The following DSCAM variants were observed in gnomAD, a reference collection of about 807,000 sequenced individuals.
The protein encoded by DSCAM is DS cell adhesion molecule.
DSCAM carries 47 observed loss-of-function variants against 217.7 expected under a neutral mutation model. That is an observed-to-expected ratio of 0.22 (90% CI 0.17 to 0.28). The LOEUF (loss-of-function observed/expected upper bound fraction) is 0.28. DSCAM is among the 10% of genes least tolerant of loss of function. DSCAM has a pLI of 1.00. For synonymous variants in DSCAM, 1,056 were observed against 1,015.3 expected (o/e 1.04, Z -0.76); for missense variants, 2,080 against 2,618.3 (o/e 0.79, Z 4.49).
chr21:40,139,422 C>T (rs572490389), intron 18 of DSCAM, among the ~76,000 whole-genome samples: 2 of 151,770 alleles, frequency 1.3e-5, no homozygotes, highest in East Asian at 1.9e-4. Flanking sequence ...AGACAGGAAG[C>T]GGGGAGGGGA....
chr21:40,513,087 G>A (rs769007070), intron 3 of DSCAM: 7 of 152,286 alleles, frequency 4.6e-5, no homozygotes, highest in Admixed American at 6.5e-5. Context: ...TTTTAGTAGA[G>A]ACGGTGTTTC....
At chr21:40,767,680 C>T (rs182273993) in intron 1 of DSCAM, among the ~76,000 whole-genome samples, 97 of 152,290 alleles carry the variant, frequency 6.4e-4, no homozygotes, top group Middle Eastern at 3.4e-3. Context: ...CAATTGAATG[C>T]CAGATGCAAA....
At chr21:40,543,157 A>G (rs2076554970) in intron 3 of DSCAM, among the ~76,000 whole-genome samples, 1 of 152,254 alleles carries the variant, frequency 6.6e-6, no homozygotes, top group African/African-American at 2.4e-5. Flanking sequence ...TAGGCTGGAA[A>G]GGTCAGACAA....
intron 11 of DSCAM, among the ~76,000 whole-genome samples, chr21:40,272,617 C>A (rs1290861511): frequency 6.6e-6 from 1 of 152,064 alleles, no homozygotes; most frequent in Non-Finnish European, 1.5e-5. Flanking sequence ...TCACAGTGAG[C>A]CCCCAGAAGC....
At chr21:40,537,113 T>C (rs910801747) in intron 3 of DSCAM, among the ~76,000 whole-genome samples, 1 of 152,180 alleles carries the variant, frequency 6.6e-6, no homozygotes, top group African/African-American at 2.4e-5. Context: ...TCCAGAACAT[T>C]CTCATGGGCC....
rs199853932 is a variant in DSCAM at position 40,724,841 on chromosome 21, T to C, written c.44-16070A>G. ...TTATTTTCTTTTGCTAGAACTTCAC[T>C]ATGTTCAGAAGTGCTTCATTTTTCA... On this transcript the variant is annotated intron_variant, in intron 1 of 32. Transcript: ENST00000400454. Among the ~76,000 whole-genome samples the C allele has an allele frequency of 3.7e-4, 57 of 152,378 alleles. 1 individual carries two copies. In the East Asian group the frequency reaches 5.6e-3, roughly 15 times the overall value.
Position 40,259,630 on chromosome 21 carries a change from TAGAG to T in DSCAM, c.2356+16463_2356+16466del, listed in dbSNP as rs1471541786. ...TGAATACTGGTTACTGAATAGTTCT[TAGAG>T]AGAATGAAAGTTTTGAGTCAGCCAT... On this transcript the variant is annotated intron_variant, in intron 11 of 32. Coordinates refer to ENST00000400454, the MANE Select transcript of DSCAM (RefSeq NM_001389.5). 5.4e-5 allele frequency among the ~76,000 whole-genome samples: 8 copies of T among 148,814 alleles called. No homozygotes were observed. In the East Asian group the frequency reaches 1.4e-3, roughly 26 times the overall value.
At chr21:40,376,589 T>TATATCGATATCGATATATCTTATATAG (rs1555911109) in intron 3 of DSCAM, among the ~76,000 whole-genome samples, 1 of 14,076 alleles carries the variant, frequency 7.1e-5, no homozygotes, top group Admixed American at 7.8e-4. Context: ...CTATATATCT[T>TATATCGATATCGATATATCTTATATAG]ATATCGATAT....
intron 3 of DSCAM, among the ~76,000 whole-genome samples, chr21:40,432,297 T>C (rs374986264): frequency 6.6e-6 from 1 of 152,320 alleles, no homozygotes; most frequent in Admixed American, 6.5e-5. Flanking sequence ...GGCTGTTTTT[T>C]CCAGAGGCTT....
intron 3 of DSCAM, among the ~76,000 whole-genome samples, chr21:40,667,637 G>A (rs1368238976): frequency 6.6e-6 from 1 of 151,590 alleles, no homozygotes; most frequent in African/African-American, 2.4e-5. Flanking sequence ...CATGGGGGCA[G>A]TTACCCCCAT....
rs73214900 is a variant in DSCAM at position 40,412,883 on chromosome 21, G to A, written c.509-43638C>T. 4.4e-3 allele frequency among the ~76,000 whole-genome samples: 672 copies of A among 152,324 alleles called. 4 individuals carry two copies. The highest frequency in any genetic ancestry group is 0.031 in the Middle Eastern group (9 of 294). On this transcript the variant is annotated intron_variant, in intron 3 of 32. Transcript: ENST00000400454. ...GACCTGAAGGAAAAAGTGGTTTCAT[G>A]GGCCAAGCCCAAGGTCTCTGTGTGC...
At chr21:40,421,992 A>T (rs1255011032) in intron 3 of DSCAM, among the ~76,000 whole-genome samples, 1 of 152,220 alleles carries the variant, frequency 6.6e-6, no homozygotes, top group African/African-American at 2.4e-5. Flanking sequence ...GAGACAGAAA[A>T]GGCTCTTTTA....
chr21:40,769,937 G>C (rs1190844419), intron 1 of DSCAM, among the ~76,000 whole-genome samples: 2 of 152,088 alleles, frequency 1.3e-5, no homozygotes, highest in African/African-American at 4.8e-5. Flanking sequence ...CTCACTACCT[G>C]GCTATAAACT....
chr21:40,575,400 C>T (rs768390855), intron 3 of DSCAM, among the ~76,000 whole-genome samples: 36 of 151,744 alleles, frequency 2.4e-4, no homozygotes, highest in Non-Finnish European at 4.7e-4. Flanking sequence ...TTCACACGGA[C>T]GCGAATGAAA....
intron 2 of DSCAM, among the ~76,000 whole-genome samples, chr21:40,694,377 G>T (rs2090573716): frequency 6.6e-6 from 1 of 152,082 alleles, no homozygotes. Context: ...GGTTTCAAAA[G>T]GTACTAACAC....
At chr21:40,571,173 T>C (rs961478773) in intron 3 of DSCAM, among the ~76,000 whole-genome samples, 1 of 151,840 alleles carries the variant, frequency 6.6e-6, no homozygotes, top group Non-Finnish European at 1.5e-5. Flanking sequence ...AAAAGAATGA[T>C]GGATGAGTTC....
chr21:40,579,035 G>A (rs2076880955), intron 3 of DSCAM, among the ~76,000 whole-genome samples: 2 of 152,274 alleles, frequency 1.3e-5, no homozygotes, highest in East Asian at 1.9e-4. Flanking sequence ...ACAGAAAGAT[G>A]CACATTAGCA....
chr21:40,383,159 C>T (rs1434960990), intron 3 of DSCAM: 1 of 152,032 alleles, frequency 6.6e-6, no homozygotes, highest in Non-Finnish European at 1.5e-5. Context: ...CAAAACCCGT[C>T]TCTACTAAAA....
intron 14 of DSCAM, among the ~76,000 whole-genome samples, chr21:40,179,519 G>GC (rs1568984837): frequency 2.0e-5 from 3 of 152,020 alleles, no homozygotes; most frequent in South Asian, 2.1e-4. Context: ...GTACCCCTGG[G>GC]CCCCCCCAAA....
Sources: gnomAD v4.1 joint callset for allele counts (sites outside exome capture counted in the v4.1 genomes callset) on GRCh38, gnomAD v4.1.1 for gene constraint, MANE v1.5 for transcripts, NCBI Gene and HGNC (gene_info 2026-07-23, HGNC 2026-07-21) for gene names.